FOLH1: variants seen among roughly 807,000 people sequenced by gnomAD.
FOLH1 encodes glutamate carboxypeptidase 2.
FOLH1 carries 54 observed loss-of-function variants against 93.9 expected under a neutral mutation model. The ratio of observed to expected loss-of-function variants is 0.57; its 90% confidence interval spans 0.46 to 0.72. The LOEUF is 0.72. FOLH1 is among the 30% of genes least tolerant of loss of function. The probability of loss-of-function intolerance (pLI) is 0.00; values close to 1 mark genes in which losing one functional copy is unlikely to be tolerated. For missense variants in FOLH1, 571 were observed against 892.5 expected (o/e 0.64, Z 4.59); for synonymous variants, 249 against 303.6 (o/e 0.82, Z 1.87).
rs1394434776 is a variant in FOLH1, at chr11:49,192,880, T to G, written c.426A>C (p.Ser142=). The G allele has an allele frequency of 6.3e-7, 1 of 1,589,684 alleles. No individual in the cohort carries two copies. Among genetic ancestry groups the G allele is most frequent in the Non-Finnish European group, 8.6e-7 (1 of 1,168,822 alleles). Residue 142 remains serine (S), a synonymous_variant, in exon 4 of 19, where the codon TCA becomes TCC. Transcript: ENST00000256999. ...ATCCTGGAGGAGGTGGTTCAAATAA[T>G]GATGTGTTGAAAATCTAGAGAAACA... ...NEDGNEIFNT[S]LFEPPPPGYE...
intron 7 of FOLH1, among the ~76,000 whole-genome samples, chr11:49,178,267 A>C (rs552253383): frequency 1.3e-5 from 2 of 152,224 alleles, no homozygotes; most frequent in East Asian, 3.9e-4. Context: ...CCAGCAACAC[A>C]CTTTTTCCGG....
chr11:49,190,115 AT>A (rs1219510280), intron 4 of FOLH1, among the ~76,000 whole-genome samples: 1 of 152,178 alleles, frequency 6.6e-6, no homozygotes, highest in Non-Finnish European at 1.5e-5. Context: ...CAGCAAAATA[AT>A]TTTTTTAGTG....
chr11:49,204,258 G>A (rs1863605175), intron 2 of FOLH1, among the ~76,000 whole-genome samples: 2 of 152,184 alleles, frequency 1.3e-5, no homozygotes, highest in Non-Finnish European at 2.9e-5. Flanking sequence ...TCTCTTCCAA[G>A]CACACCTTCC....
intron 14 of FOLH1, 104 bp downstream of exon 14, chr11:49,157,848 C>G: frequency 9.1e-7 from 1 of 1,097,172 alleles, no homozygotes. Context: ...GATTTTAGAC[C>G]ATTTTGAAAC....
Position 49,158,617 on chromosome 11 carries a change from C to T in FOLH1, c.1441-574G>A, listed in dbSNP as rs968836346. Among the ~76,000 whole-genome samples, 20 of 152,086 alleles carry T rather than the reference C, an allele frequency of 1.3e-4. 1 individual carries two copies. Among genetic ancestry groups the T allele is most frequent in the Non-Finnish European group, 1.9e-4 (13 of 67,998 alleles). ...TAGGATTGCCTTGGTTATATGGGCTCTTTTATGGATCCATATGAATTTTAA... is the reference window on the plus strand; with the variant it reads ...TAGGATTGCCTTGGTTATATGGGCTTTTTTATGGATCCATATGAATTTTAA... On this transcript the variant is annotated intron_variant, in intron 13 of 18. Transcript: ENST00000256999.
rs761981128 is a variant in FOLH1 at position 49,174,973 on chromosome 11, C to G, written c.1024G>C (p.Val342Leu). Residue 342 changes from valine to leucine, a missense_variant, in exon 9 of 19, where the codon GTC becomes CTC. Val to Leu is a conservative substitution (Grantham distance 32, BLOSUM62 1). Coordinates refer to ENST00000256999, the MANE Select transcript of FOLH1 (RefSeq NM_004476.3). ...TTGGTAGAGTGGATGTGCATCTTGA[C>G]TTTTCTAATGCAAAAATAAAAGACA... ...GFTGNFSTQK[V>L]KMHIHSTNEV... The G allele has an allele frequency of 6.2e-7, 1 of 1,608,016 alleles. No homozygotes were observed. Among genetic ancestry groups the G allele is most frequent in the African/African-American group, 1.3e-5 (1 of 74,294 alleles).
At chr11:49,172,100 A>G (rs916934155) in intron 10 of FOLH1, among the ~76,000 whole-genome samples, 1 of 152,150 alleles carries the variant, frequency 6.6e-6, no homozygotes, top group Admixed American at 6.6e-5. Flanking sequence ...TGTGTATACT[A>G]TAGCTGTTAA....
chr11:49,167,802 C>A (rs1302928054), intron 12 of FOLH1, among the ~76,000 whole-genome samples: 3 of 151,558 alleles, frequency 2.0e-5, no homozygotes, highest in African/African-American at 7.3e-5. Context: ...CGGAGTGAGA[C>A]CCTGACTCAA....
At position 49,175,956 on chromosome 11, in the gene FOLH1, T is replaced by C. The variant is rs1318295184; in HGVS notation, c.922A>G (p.Lys308Glu). 1 of 1,612,214 alleles carries C rather than the reference T, an allele frequency of 6.2e-7. No individual in the cohort carries two copies. The highest frequency in any genetic ancestry group is 1.7e-5 in the Admixed American group (1 of 59,504). ...GYYDAQKLLEKMGGSAPPDSS... is the reference protein window; with the variant it reads ...GYYDAQKLLEEMGGSAPPDSS... ...TCTGGTGGTGCTGAGCCACCCATTT[T>C]TCTATTGGACACAAAAAAACATTAT... Residue 308 changes from lysine (K) to glutamate (E), a missense_variant and splice_region_variant, in exon 8 of 19, where the codon AAA (lysine) becomes GAA (glutamate). Lys to Glu is a moderately conservative substitution (Grantham distance 56). Coordinates refer to ENST00000256999, the MANE Select transcript of FOLH1 (RefSeq NM_004476.3).
At chr11:49,155,837 A>ATATATATATAG (rs1390925070) in intron 15 of FOLH1, among the ~76,000 whole-genome samples, 2 of 41,286 alleles carry the variant, frequency 4.8e-5, no homozygotes, top group Non-Finnish European at 1.4e-4. Flanking sequence ...TATATATATA[A>ATATATATATAG]TCAACAACAA....
chr11:49,206,879 A>G (rs1346031591), intron 1 of FOLH1: 3 of 1,171,876 alleles, frequency 2.6e-6, no homozygotes, highest in Non-Finnish European at 3.7e-6. Context: ...TTTAACCTGA[A>G]GGAGATAAGG....
At chr11:49,198,386 A>G (rs1862871131) in intron 3 of FOLH1, among the ~76,000 whole-genome samples, 1 of 151,684 alleles carries the variant, frequency 6.6e-6, no homozygotes, top group African/African-American at 2.4e-5. Context: ...GGAGGCTGAG[A>G]CAGGAGAATG....
At chr11:49,190,351 T>A (rs1171265290) in intron 4 of FOLH1, among the ~76,000 whole-genome samples, 2 of 151,932 alleles carry the variant, frequency 1.3e-5, no homozygotes, top group East Asian at 3.8e-4. Context: ...ATGCAAGTTG[T>A]CACTGTTAGA....
intron 13 of FOLH1, among the ~76,000 whole-genome samples, chr11:49,159,163 C>T (rs1329691835): frequency 1.3e-5 from 2 of 152,096 alleles, no homozygotes; most frequent in Non-Finnish European, 2.9e-5. Flanking sequence ...ACTTCCAATA[C>T]TATGTTGAAT....
intron 4 of FOLH1, among the ~76,000 whole-genome samples, chr11:49,192,181 TTAATAC>T (rs1202975286): frequency 6.6e-6 from 1 of 152,178 alleles, no homozygotes; most frequent in Non-Finnish European, 1.5e-5. Flanking sequence ...TCTGATAATA[TTAATAC>T]TATTTTTAAA....
At chr11:49,203,391 A>T (rs1480113910) in intron 2 of FOLH1, among the ~76,000 whole-genome samples, 2 of 152,210 alleles carry the variant, frequency 1.3e-5, no homozygotes, top group Non-Finnish European at 2.9e-5. Flanking sequence ...TTCACTACTG[A>T]GGCAGATATT....
Position 49,158,009 on chromosome 11 carries a change from G to A in FOLH1, c.1475C>T (p.Ser492Phe). 6.3e-7 allele frequency: 1 copy of A among 1,598,154 alleles called. No homozygotes were observed. Among genetic ancestry groups the A allele is most frequent in the Admixed American group, 1.7e-5 (1 of 58,770 alleles). Residue 492 changes from serine (S) to phenylalanine (F), a missense_variant, in exon 14 of 19, where the codon TCT becomes TTT. Around this residue, in one of 2 missense-constraint regions of FOLH1, gnomAD observed 500 missense variants for 822.9 expected, o/e 0.61. Coordinates refer to ENST00000256999, the MANE Select transcript of FOLH1 (RefSeq NM_004476.3). ...KSPDEGFEGK[S>F]LYESWTKKSP... Reference sequence around the variant, plus strand: ...TTTTTTAGTCCAACTTTCATAAAGAGATTTGCCTTCAAAGCCTTCATCAGG... The same window carrying A: ...TTTTTTAGTCCAACTTTCATAAAGAAATTTGCCTTCAAAGCCTTCATCAGG...
chr11:49,188,899 G>A (rs896997278), intron 4 of FOLH1, among the ~76,000 whole-genome samples: 3 of 152,138 alleles, frequency 2.0e-5, no homozygotes, highest in Non-Finnish European at 4.4e-5. Flanking sequence ...AATGATATTA[G>A]CTGGAAACTC....
chr11:49,167,858 G>GA (rs1199049004), intron 12 of FOLH1, among the ~76,000 whole-genome samples: 258 of 140,618 alleles, frequency 1.8e-3, no homozygotes, highest in African/African-American at 5.7e-3. Flanking sequence ...AACAGAAACA[G>GA]AAAAAAAAAA....
Sources: allele counts gnomAD v4.1 joint callset (sites outside exome capture counted in the v4.1 genomes callset), GRCh38; gene constraint gnomAD v4.1.1; regional missense constraint gnomAD v4.1.1; transcripts MANE v1.5; gene names NCBI Gene and HGNC (gene_info 2026-07-23, HGNC 2026-07-21).